NEXN: variants seen among roughly 807,000 people sequenced by gnomAD.
NEXN encodes nexilin F-actin binding protein, also known as nexilin.
Under a neutral mutation model 92.6 loss-of-function variants are expected in NEXN, and 65 were observed. The observed-to-expected ratio is 0.70, with a 90% CI of 0.57 to 0.86. The LOEUF is 0.86. NEXN is among the 40% of genes least tolerant of loss of function. The probability of loss-of-function intolerance (pLI) is 0.00; values close to 1 mark genes in which losing one functional copy is unlikely to be tolerated. For missense variants in NEXN, 778 were observed against 771.1 expected, an observed-to-expected ratio of 1.01 and a Z score of -0.11; for synonymous variants, 254 against 242.5, an observed-to-expected ratio of 1.05 and a Z score of -0.44.
chr1:77,896,170 C>CAATAAATAAATAAATAAATA (rs60137071), intron 1 of NEXN, among the ~76,000 whole-genome samples: 7,768 of 144,234 alleles, frequency 0.054, 286 homozygotes, highest in South Asian at 0.06. Flanking sequence ...GACTTTGTCT[C>CAATAAATAAATAAATAAATA]AATAAATAAA....
chr1:77,916,214 G>C (rs1231044574), intron 2 of NEXN, 81 bp downstream of exon 2: 1 of 1,100,784 alleles, frequency 9.1e-7, no homozygotes, highest in Non-Finnish European at 1.3e-6. Context: ...CAGTCATTTG[G>C]TGGAAAGGTC....
intron 5 of NEXN, among the ~76,000 whole-genome samples, chr1:77,922,419 G>A (rs899946236): frequency 1.6e-4 from 24 of 151,734 alleles, no homozygotes; most frequent in African/African-American, 4.6e-4. Flanking sequence ...GTGAGCCACC[G>A]CGCCTGGCCT....
chr1:77,897,818 G>C (rs1057121332), intron 1 of NEXN, among the ~76,000 whole-genome samples: 5 of 152,054 alleles, frequency 3.3e-5, no homozygotes, highest in Non-Finnish European at 7.4e-5. Context: ...AAAGTCTCAG[G>C]ATACAAAATC....
intron 1 of NEXN, among the ~76,000 whole-genome samples, chr1:77,908,394 ATTTTTTT>A (rs34361411): frequency 5.5e-5 from 2 of 36,306 alleles, no homozygotes; most frequent in African/African-American, 1.1e-4. Flanking sequence ...CCCTACCTCT[ATTTTTTT>A]TTTTTTTTTT....
In NEXN at chr1:77,916,060, A is replaced by T; in HGVS notation, c.-47A>T. 2 of 1,420,796 alleles carry T rather than the reference A, an allele frequency of 1.4e-6. No homozygotes were observed. 88.0% of individuals were successfully genotyped at this position (1,420,796 alleles called of 1,614,324 possible). On this transcript the variant is annotated 5_prime_UTR_variant, in exon 2 of 13. Transcript: ENST00000334785. ...ACAATATAAATTTTTTTCAGGTGCA[A>T]ATATATACAGAGCTTCATAATCAGC...
At chr1:77,923,003 C>CTTTTTTTTTT (rs753111389) in intron 5 of NEXN, among the ~76,000 whole-genome samples, 1 of 112,386 alleles carries the variant, frequency 8.9e-6, no homozygotes, top group African/African-American at 3.3e-5. Context: ...AATTGGGTGT[C>CTTTTTTTTTT]TTTTTTTTTT....
chr1:77,940,486 T>C (rs772916748), intron 11 of NEXN, among the ~76,000 whole-genome samples: 7 of 152,182 alleles, frequency 4.6e-5, no homozygotes, highest in Non-Finnish European at 1.0e-4. Context: ...AATTTTCAGC[T>C]CAAGAGAAAT....
At chr1:77,914,648 G>A (rs191012581) in intron 1 of NEXN, among the ~76,000 whole-genome samples, 1 of 152,088 alleles carries the variant, frequency 6.6e-6, no homozygotes, top group African/African-American at 2.4e-5. Flanking sequence ...CACAAGGTCA[G>A]GAGTTCGAGA....
intron 1 of NEXN, among the ~76,000 whole-genome samples, chr1:77,899,503 G>A (rs1275249078): frequency 2.0e-5 from 3 of 152,086 alleles, no homozygotes; most frequent in Non-Finnish European, 4.4e-5. Context: ...CTCCGGGGAC[G>A]GTTGCGGGAT....
intron 1 of NEXN, among the ~76,000 whole-genome samples, chr1:77,891,659 A>G (rs145151686): frequency 2.0e-5 from 3 of 150,292 alleles, no homozygotes; most frequent in African/African-American, 7.3e-5. Context: ...AGTGTTGTCT[A>G]TTCATTTAGA....
intron 1 of NEXN, among the ~76,000 whole-genome samples, chr1:77,902,509 GT>G (rs1647804476): frequency 6.6e-6 from 1 of 152,132 alleles, no homozygotes. Context: ...CTAGGATATG[GT>G]GAGTACAGGT....
intron 11 of NEXN, among the ~76,000 whole-genome samples, chr1:77,938,401 G>A (rs370465580): frequency 2.0e-5 from 3 of 151,934 alleles, no homozygotes; most frequent in Admixed American, 2.0e-4. Flanking sequence ...CTGTAATCCC[G>A]GCACTTTGGG....
At chr1:77,891,526 T>C (rs906081853) in intron 1 of NEXN, among the ~76,000 whole-genome samples, 3 of 151,882 alleles carry the variant, frequency 2.0e-5, no homozygotes, top group African/African-American at 7.2e-5. Context: ...GCTCCCTATA[T>C]GAGGTTTCAA....
At position 77,918,216 on chromosome 1, in the gene NEXN, G is replaced by C. The variant is rs1649134827; in HGVS notation, c.390G>C (p.Glu130Asp). Residue 130 changes from glutamate (E) to aspartate (D), a missense_variant, in exon 5 of 13, where the codon GAG becomes GAC. Glu to Asp is a conservative substitution (Grantham distance 45). This residue lies in a region of NEXN where 236 missense variants were observed against 265.6 expected (regional missense o/e 0.89). Coordinates refer to ENST00000334785, the MANE Select transcript of NEXN (RefSeq NM_144573.4). ...AGGAGGAACGAAAACGCAGAATTGA[G>C]CAGGATATGTTAGAAAAGAGGAAAA... is the stretch of plus-strand genomic sequence containing the variant. ...RTEEERKRRI[E>D]QDMLEKRKIQ... 5 of 1,613,954 alleles carry C rather than the reference G, an allele frequency of 3.1e-6. No homozygotes were observed. Among genetic ancestry groups the C allele is most frequent in the Non-Finnish European group, 4.2e-6 (5 of 1,179,984 alleles).
chr1:77,893,202 T>C (rs933735432), intron 1 of NEXN, among the ~76,000 whole-genome samples: 1 of 152,028 alleles, frequency 6.6e-6, no homozygotes, highest in African/African-American at 2.4e-5. Flanking sequence ...ATTTGAGAAG[T>C]GTTTAGGAGA....
intron 1 of NEXN, 30 bp downstream of exon 1, chr1:77,888,789 G>C (rs1207058715): frequency 6.5e-6 from 1 of 153,450 alleles, no homozygotes; most frequent in African/African-American, 2.4e-5. Flanking sequence ...CGTGGGCTGG[G>C]GGGAGTGGAG....
chr1:77,914,305 A>C (rs1648796931), intron 1 of NEXN, among the ~76,000 whole-genome samples: 1 of 152,180 alleles, frequency 6.6e-6, no homozygotes, highest in Non-Finnish European at 1.5e-5. Context: ...GGTGGTAATA[A>C]TGGGGTTATC....
chr1:77,908,060 G>A (rs1648256297), intron 1 of NEXN, among the ~76,000 whole-genome samples: 1 of 152,012 alleles, frequency 6.6e-6, no homozygotes, highest in Non-Finnish European at 1.5e-5. Context: ...ACCAGCCTGG[G>A]CAACAGAGTG....
intron 7 of NEXN, 51 bp downstream of exon 7, chr1:77,926,662 T>G (rs1238837317): frequency 6.2e-7 from 1 of 1,613,876 alleles, no homozygotes; most frequent in East Asian, 2.2e-5. Context: ...GCAGTTTAAG[T>G]TAGCAGCATT....
Sources: gnomAD v4.1 joint callset for allele counts (sites outside exome capture counted in the v4.1 genomes callset) on GRCh38, gnomAD v4.1.1 for gene constraint, gnomAD v4.1.1 regional missense constraint, MANE v1.5 for transcripts, NCBI Gene and HGNC (gene_info 2026-07-23, HGNC 2026-07-21) for gene names.